The following PKP4 variants were observed in gnomAD, a reference collection of about 807,000 sequenced individuals.
The protein encoded by PKP4 is plakophilin 4.
Under a neutral mutation model 145.1 loss-of-function variants are expected in PKP4, and 90 were observed. The observed-to-expected ratio is 0.62, with a 90% CI of 0.52 to 0.74. The LOEUF (loss-of-function observed/expected upper bound fraction) is 0.74, where lower values mean the gene tolerates loss of function less well. Ranked by LOEUF, PKP4 falls within the 30% of genes least tolerant of loss-of-function variation. The pLI, the probability that PKP4 is intolerant of heterozygous loss-of-function variation, is 0.00. For missense variants in PKP4, 1,340 were observed against 1,482.7 expected (o/e 0.90, Z 1.58); for synonymous variants, 563 against 577.2 (o/e 0.98, Z 0.35).
At chr2:158,469,436 C>T (rs745641576) in intron 1 of PKP4, among the ~76,000 whole-genome samples, 6 of 152,124 alleles carry the variant, frequency 3.9e-5, no homozygotes, top group South Asian at 4.1e-4. Flanking sequence ...TCCTTCCCAC[C>T]GTGCTTTTTG....
intron 2 of PKP4, among the ~76,000 whole-genome samples, chr2:158,562,320 C>G (rs930529096): frequency 2.0e-5 from 3 of 152,070 alleles, no homozygotes; most frequent in Admixed American, 2.0e-4. Context: ...GAATATTTAT[C>G]CTTAAAAAGG....
chr2:158,677,040 TAAAG>T, intron 20 of PKP4, 173 bp downstream of exon 20: 1 of 753,612 alleles, frequency 1.3e-6, no homozygotes, highest in Non-Finnish European at 2.3e-6. Context: ...TCTGCTTGTT[TAAAG>T]TAAAACAAGC....
chr2:158,621,756 A>G (rs1481455167), intron 6 of PKP4, among the ~76,000 whole-genome samples: 2 of 152,090 alleles, frequency 1.3e-5, no homozygotes, highest in Non-Finnish European at 2.9e-5. Flanking sequence ...AAAACAAAAA[A>G]AAAAAAAAGG....
At chr2:158,676,388 T>C (rs1402899814) in intron 19 of PKP4, among the ~76,000 whole-genome samples, 1 of 152,266 alleles carries the variant, frequency 6.6e-6, no homozygotes, top group Non-Finnish European at 1.5e-5. Context: ...TAGTAAGTTA[T>C]TATCACTCAG....
At chr2:158,521,433 C>G (rs1363416504) in intron 1 of PKP4, among the ~76,000 whole-genome samples, 1 of 152,082 alleles carries the variant, frequency 6.6e-6, no homozygotes, top group African/African-American at 2.4e-5. Flanking sequence ...AAAATAAATT[C>G]ATAATCAAAA....
intron 1 of PKP4, among the ~76,000 whole-genome samples, chr2:158,523,045 G>A (rs1469673244): frequency 6.6e-6 from 1 of 152,098 alleles, no homozygotes; most frequent in Non-Finnish European, 1.5e-5. Flanking sequence ...GCAGCAGCGA[G>A]GCTGGGGGAG....
rs760728815 is a variant in PKP4 at position 158,669,864 on chromosome 2, A to C, written c.2873A>C (p.Asp958Ala). ...KNMENAKALA[D>A]SGGIEKLVNI... ...ATGGAGAACGCAAAAGCCCTGGCCGACTCAGGAGGCATAGAGAAGCTGGTG... is the reference window on the plus strand; with the variant it reads ...ATGGAGAACGCAAAAGCCCTGGCCGCCTCAGGAGGCATAGAGAAGCTGGTG... Residue 958 changes from aspartate (D) to alanine (A), a missense_variant, in exon 17 of 22, where the codon GAC becomes GCC. Transcript: ENST00000389759. 1 of 1,613,948 alleles carries C rather than the reference A, an allele frequency of 6.2e-7. No homozygotes were observed. The highest frequency in any genetic ancestry group is 1.1e-5 in the South Asian group (1 of 91,034).
intron 1 of PKP4, among the ~76,000 whole-genome samples, chr2:158,501,529 A>C (rs1433524746): frequency 6.6e-6 from 1 of 152,170 alleles, no homozygotes; most frequent in African/African-American, 2.4e-5. Flanking sequence ...AGCTGCCTGC[A>C]TGCCCTGCTG....
chr2:158,565,382 T>G (rs1400354600), intron 2 of PKP4, among the ~76,000 whole-genome samples: 1 of 151,930 alleles, frequency 6.6e-6, no homozygotes, highest in Non-Finnish European at 1.5e-5. Flanking sequence ...AATAAATTAG[T>G]CTGAACAACG....
chr2:158,502,356 G>A (rs1188591790), intron 1 of PKP4, among the ~76,000 whole-genome samples: 4 of 152,104 alleles, frequency 2.6e-5, no homozygotes, highest in African/African-American at 9.7e-5. Context: ...CTTCCTAGTC[G>A]CAGTAGGGGA....
chr2:158,505,600 A>T (rs77468523), intron 1 of PKP4, among the ~76,000 whole-genome samples: 12,431 of 152,052 alleles, frequency 0.082, 690 homozygotes, highest in Middle Eastern at 0.2. Context: ...TTAGTAATGT[A>T]TTAGGGGGTG....
At chr2:158,656,731 T>A (rs1416889421) in intron 11 of PKP4, among the ~76,000 whole-genome samples, 1 of 152,202 alleles carries the variant, frequency 6.6e-6, no homozygotes, top group Non-Finnish European at 1.5e-5. Context: ...TGGACAGGCC[T>A]GGGAAGGGGC....
At chr2:158,651,442 C>CA (rs3836169) in intron 11 of PKP4, among the ~76,000 whole-genome samples, 107,515 of 151,420 alleles carry the variant, frequency 0.71, 39,611 homozygotes, top group East Asian at 0.92. Flanking sequence ...TGGCCTCACC[C>CA]CCTCCCTGGG....
chr2:158,671,973 G>C (rs2057602750), intron 17 of PKP4, among the ~76,000 whole-genome samples: 1 of 152,182 alleles, frequency 6.6e-6, no homozygotes, highest in African/African-American at 2.4e-5. Flanking sequence ...TCAAGTGAGA[G>C]AGCCCTGAGA....
intron 3 of PKP4, among the ~76,000 whole-genome samples, chr2:158,598,894 G>A (rs1450425712): frequency 6.6e-6 from 1 of 152,184 alleles, no homozygotes; most frequent in African/African-American, 2.4e-5. Context: ...TAGAATTTGA[G>A]TAATTCTGAA....
intron 11 of PKP4, among the ~76,000 whole-genome samples, chr2:158,649,384 A>T (rs2055133358): frequency 6.6e-6 from 1 of 152,144 alleles, no homozygotes; most frequent in East Asian, 1.9e-4. Context: ...GTTCTTTAAG[A>T]TTACCACCAA....
At chr2:158,666,860 A>T (rs2057135280) in intron 16 of PKP4, among the ~76,000 whole-genome samples, 1 of 152,190 alleles carries the variant, frequency 6.6e-6, no homozygotes, top group Non-Finnish European at 1.5e-5. Context: ...AGTTCTCTAT[A>T]TCCTGAGCAA....
chr2:158,654,824 A>G (rs2105960608), intron 11 of PKP4, among the ~76,000 whole-genome samples: 1 of 152,342 alleles, frequency 6.6e-6, no homozygotes, highest in African/African-American at 2.4e-5. Context: ...AGAGAAATCT[A>G]AAAACAAATA....
chr2:158,550,717 T>G (rs930727409), intron 2 of PKP4, among the ~76,000 whole-genome samples: 1 of 152,240 alleles, frequency 6.6e-6, no homozygotes, highest in African/African-American at 2.4e-5. Context: ...GTTTGAAACT[T>G]TTTATCACTC....
Sources: allele counts gnomAD v4.1 joint callset (sites outside exome capture counted in the v4.1 genomes callset), GRCh38; gene constraint gnomAD v4.1.1; transcripts MANE v1.5; gene names NCBI Gene and HGNC (gene_info 2026-07-23, HGNC 2026-07-21).